Variants in MSRA observed in about 807,000 individuals in gnomAD.
MSRA encodes the protein methionine sulfoxide reductase A.
In MSRA, 54 loss-of-function variants were observed where a neutral mutation model predicts 31.3. That is an observed-to-expected ratio of 1.73 (90% CI 1.39 to 2.17). MSRA has a LOEUF of 2.17. MSRA is among the 30% of genes most tolerant of loss of function. The probability of loss-of-function intolerance (pLI) is 0.00; values close to 1 mark genes in which losing one functional copy is unlikely to be tolerated. For missense variants in MSRA, 507 were observed against 300.9 expected (o/e 1.69, Z -5.07); for synonymous variants, 169 against 116.5 (o/e 1.45, Z -2.90).
At chr8:10,369,312 C>T (rs1390321718) in intron 5 of MSRA, among the ~76,000 whole-genome samples, 4 of 151,572 alleles carry the variant, frequency 2.6e-5, no homozygotes, top group East Asian at 3.9e-4. Flanking sequence ...ATCTATTCAT[C>T]CATTCTAGAC....
chr8:10,088,614 C>T (rs1004771617), intron 1 of MSRA, among the ~76,000 whole-genome samples: 4 of 152,064 alleles, frequency 2.6e-5, no homozygotes, highest in Non-Finnish European at 2.9e-5. Context: ...TGCATGCTTG[C>T]AGTCCCAGCT....
At chr8:10,186,052 C>T (rs935890093) in intron 1 of MSRA, among the ~76,000 whole-genome samples, 23 of 152,230 alleles carry the variant, frequency 1.5e-4, no homozygotes, top group Admixed American at 9.2e-4. Context: ...GCATACGTAT[C>T]GGAACAGCGT....
chr8:10,151,884 C>T (rs1438107443), intron 1 of MSRA, among the ~76,000 whole-genome samples: 3 of 152,290 alleles, frequency 2.0e-5, no homozygotes, highest in African/African-American at 4.8e-5. Flanking sequence ...TAAAAGGTTA[C>T]CTGGCCTTTT....
chr8:10,180,869 A>G (rs543937736), intron 1 of MSRA, among the ~76,000 whole-genome samples: 1 of 152,130 alleles, frequency 6.6e-6, no homozygotes, highest in Admixed American at 6.6e-5. Context: ...TGCTCCATCT[A>G]TTTCTTCACT....
chr8:10,351,498 C>A (rs538404658), intron 5 of MSRA, among the ~76,000 whole-genome samples: 1 of 152,134 alleles, frequency 6.6e-6, no homozygotes, highest in South Asian at 2.1e-4. Flanking sequence ...ATGATCCACC[C>A]GCTTCAGCCT....
At position 10,119,844 on chromosome 8, in the gene MSRA, T is replaced by A. The variant is rs185424684; in HGVS notation, c.142+65186T>A. 7.9e-4 allele frequency among the ~76,000 whole-genome samples: 120 copies of A among 152,158 alleles called. 1 individual carries two copies. The highest frequency in any genetic ancestry group is 2.9e-3 in the Admixed American group (45 of 15,296). On this transcript the variant is annotated intron_variant, in intron 1 of 5. Coordinates refer to ENST00000317173, the MANE Select transcript of MSRA (RefSeq NM_012331.5). The stretch of plus-strand genomic sequence containing the variant: ...GCAGAAATGTACCTAAGAGGGATAA[T>A]TGGAGAAAGCTGAAGGAAGACACTA...
chr8:10,144,973 C>CATGT (rs1803015773), intron 1 of MSRA, among the ~76,000 whole-genome samples: 1 of 150,412 alleles, frequency 6.6e-6, no homozygotes, highest in African/African-American at 2.5e-5. Context: ...GGGGAGGGGG[C>CATGT]ATGTAGGAGT....
chr8:10,344,621 G>A (rs989807464), intron 5 of MSRA, among the ~76,000 whole-genome samples: 1 of 145,772 alleles, frequency 6.9e-6, no homozygotes, highest in Non-Finnish European at 1.5e-5. Flanking sequence ...ATTTCCAATG[G>A]CCTTGACATA....
intron 1 of MSRA, among the ~76,000 whole-genome samples, chr8:10,098,366 C>G (rs941299397): frequency 2.9e-4 from 44 of 152,016 alleles, no homozygotes; most frequent in Admixed American, 1.4e-3. Flanking sequence ...ATGTATGTAC[C>G]TGAACATACA....
At chr8:10,106,956 C>G (rs1799928646) in intron 1 of MSRA, among the ~76,000 whole-genome samples, 1 of 152,082 alleles carries the variant, frequency 6.6e-6, no homozygotes, top group African/African-American at 2.4e-5. Context: ...CCCACCTACG[C>G]AACCATCTAC....
chr8:10,423,635 G>C (rs1365661291), intron 5 of MSRA, among the ~76,000 whole-genome samples: 1 of 152,134 alleles, frequency 6.6e-6, no homozygotes, highest in Non-Finnish European at 1.5e-5. Flanking sequence ...GCTTTTTCAG[G>C]AGCCGTGGAT....
At chr8:10,061,946 G>C (rs1311602685) in intron 1 of MSRA, among the ~76,000 whole-genome samples, 1 of 152,202 alleles carries the variant, frequency 6.6e-6, no homozygotes, top group African/African-American at 2.4e-5. Flanking sequence ...GTCCACGTGG[G>C]GCCTTGGCCT....
At chr8:10,231,495 G>T (rs1227118894) in intron 2 of MSRA, among the ~76,000 whole-genome samples, 2 of 152,222 alleles carry the variant, frequency 1.3e-5, no homozygotes, top group African/African-American at 4.8e-5. Context: ...AGTTGGAAAT[G>T]CCTGTCTTTT....
At chr8:10,076,744 C>T (rs529455159) in intron 1 of MSRA, among the ~76,000 whole-genome samples, 1 of 152,192 alleles carries the variant, frequency 6.6e-6, no homozygotes, top group African/African-American at 2.4e-5. Flanking sequence ...CTGGGTTCTA[C>T]TTTCCTAGTC....
chr8:10,228,900 T>C (rs1413000369), intron 2 of MSRA, among the ~76,000 whole-genome samples: 1 of 152,194 alleles, frequency 6.6e-6, no homozygotes, highest in Non-Finnish European at 1.5e-5. Context: ...TTCTTCATAC[T>C]GTTTCCTAGA....
intron 1 of MSRA, among the ~76,000 whole-genome samples, chr8:10,166,672 C>T (rs945141084): frequency 2.0e-5 from 3 of 152,184 alleles, no homozygotes; most frequent in African/African-American, 7.2e-5. Flanking sequence ...CCTCCAGCCT[C>T]TTGTATTACC....
chr8:10,421,029 T>A (rs1451733969), intron 5 of MSRA, among the ~76,000 whole-genome samples: 1 of 152,040 alleles, frequency 6.6e-6, no homozygotes, highest in Admixed American at 6.5e-5. Flanking sequence ...ACCAAAGAGA[T>A]GGCCTGTGAA....
At chr8:10,144,749 T>C (rs1056372383) in intron 1 of MSRA, among the ~76,000 whole-genome samples, 1 of 152,166 alleles carries the variant, frequency 6.6e-6, no homozygotes, top group African/African-American at 2.4e-5. Flanking sequence ...CCTTTTTTTT[T>C]CTCTTTGCCT....
intron 1 of MSRA, among the ~76,000 whole-genome samples, chr8:10,061,196 C>A (rs923972820): frequency 4.6e-5 from 7 of 152,106 alleles, no homozygotes; most frequent in Non-Finnish European, 8.8e-5. Flanking sequence ...CCATCTTCTG[C>A]CTAATGTGTT....
Sources: gnomAD v4.1 joint callset for allele counts (sites outside exome capture counted in the v4.1 genomes callset) on GRCh38, gnomAD v4.1.1 for gene constraint, MANE v1.5 for transcripts, NCBI Gene and HGNC (gene_info 2026-07-23, HGNC 2026-07-21) for gene names.